GNL3: variants seen among roughly 807,000 people sequenced by gnomAD.
GNL3 encodes the protein G protein nucleolar 3.
Under a neutral mutation model 70.6 loss-of-function variants are expected in GNL3, and 77 were observed. That is an observed-to-expected ratio of 1.09 (90% CI 0.91 to 1.32). The LOEUF (loss-of-function observed/expected upper bound fraction) is 1.32, where lower values mean the gene tolerates loss of function less well. Among genes scored for constraint, GNL3 ranks in the 40% most tolerant of loss-of-function variants. The pLI, the probability that GNL3 is intolerant of heterozygous loss-of-function variation, is 0.00. For missense variants in GNL3, 634 were observed against 644.0 expected (o/e 0.98, Z 0.17); for synonymous variants, 252 against 216.1 (o/e 1.17, Z -1.46).
Position 52,686,061 on chromosome 3 carries a change from T to C in GNL3, c.-32T>C. ...CACACGTGGCGCCAGCGGAGGCAGG[T>C]TGATGTGTTTGTGCTTCCTTCTACA... is the stretch of plus-strand genomic sequence containing the variant. On this transcript the variant is annotated 5_prime_UTR_variant, in exon 1 of 15. Transcript: ENST00000418458. 1 of 982,538 alleles carries C rather than the reference T, an allele frequency of 1.0e-6. No individual in the cohort carries two copies. The highest frequency in any genetic ancestry group is 1.7e-6 in the Non-Finnish European group (1 of 602,476). The allele number at this position is 982,538 out of a possible 1,614,324, so 60.9% of individuals were successfully genotyped here.
intron 11 of GNL3, 31 bp from the exon 12 acceptor site, chr3:52,693,377 T>A (rs1301075204): frequency 8.1e-6 from 13 of 1,614,002 alleles, no homozygotes; most frequent in Middle Eastern, 1.7e-4. Flanking sequence ...AGAATAAACC[T>A]TCTTTTGACA....
intron 9 of GNL3, among the ~76,000 whole-genome samples, chr3:52,691,992 G>A (rs776160480): frequency 1.3e-5 from 2 of 151,960 alleles, no homozygotes; most frequent in Admixed American, 6.6e-5. Context: ...AAGCCACCGC[G>A]CCCGGCCTAT....
intron 8 of GNL3, 110 bp from the exon 9 acceptor site, chr3:52,691,432 C>A: frequency 1.4e-6 from 1 of 717,570 alleles, no homozygotes; most frequent in East Asian, 2.6e-5. Context: ...CACTGAGATC[C>A]AACTCTGATC....
intron 1 of GNL3, 62 bp downstream of exon 1, chr3:52,686,167 C>A: frequency 6.4e-7 from 1 of 1,568,954 alleles, no homozygotes; most frequent in Non-Finnish European, 8.8e-7. Flanking sequence ...GCAGCCACCA[C>A]GACGCTCTTC....
intron 8 of GNL3, chr3:52,691,318 T>G (rs1561256036): frequency 1.7e-6 from 1 of 603,596 alleles, no homozygotes; most frequent in African/African-American, 1.9e-5. Flanking sequence ...GAAGCTGGTT[T>G]CTAAAAGTTC....
At chr3:52,690,302 A>T (rs775050790) in intron 6 of GNL3, among the ~76,000 whole-genome samples, 11 of 152,032 alleles carry the variant, frequency 7.2e-5, no homozygotes, top group Non-Finnish European at 1.2e-4. Flanking sequence ...TTGCTGTGTC[A>T]CCCAGGCTGG....
At position 52,692,943 on chromosome 3, in the gene GNL3, T is replaced by A; in HGVS notation, c.941T>A (p.Leu314His). Reference protein sequence around the residue: ...IDSPSFIVSPLNSSSALALRS... With the variant: ...IDSPSFIVSPHNSSSALALRS... The stretch of plus-strand genomic sequence containing the variant: ...AGTCCGAGCTTCATCGTATCTCCAC[T>A]TAATTCCTCCTCTGCGCTTGCTCTG... The change falls in exon 10 of 15, where the codon CTT becomes CAT. Residue 314 changes from leucine (L) to histidine (H), a missense_variant. Transcript: ENST00000418458. 6.2e-7 allele frequency: 1 copy of A among 1,613,742 alleles called. No homozygotes were observed. Among genetic ancestry groups the A allele is most frequent in the East Asian group, 2.2e-5 (1 of 44,868 alleles).
rs754695298 is a variant in GNL3, at chr3:52,694,196, A to G, written c.1571A>G (p.Glu524Gly). 1.1e-5 allele frequency: 17 copies of G among 1,600,856 alleles called. No individual in the cohort carries two copies. In the South Asian group the frequency reaches 1.3e-4, roughly 12 times the overall value. The change falls in exon 15 of 15, where the codon GAA becomes GGA. Residue 524 changes from glutamate to glycine, a missense_variant. By Grantham distance (98) the Glu-to-Gly change is moderately conservative (BLOSUM62 -2). Coordinates refer to ENST00000418458, the MANE Select transcript of GNL3 (RefSeq NM_014366.5). ...TCTTTATTTTCCTGCAATATAGGTG[A>G]ACAGTCTACAAGGTCTTTTATCTTG... is the stretch of plus-strand genomic sequence containing the variant. ...EALSEETTAG[E>G]QSTRSFILDK...
chr3:52,687,217 A>G, intron 2 of GNL3, 29 bp from the exon 3 acceptor site: 1 of 1,574,838 alleles, frequency 6.3e-7, no homozygotes, highest in Non-Finnish European at 8.7e-7. Flanking sequence ...ATATTTTTGT[A>G]AGCAGACAAA....
chr3:52,693,563 T>A lies in GNL3; in HGVS notation c.1324+19T>A, dbSNP rs1426962027. ...ATAAGAGGTGAGAATTGTGTGTCGC[T>A]GCTGTCTTCATCAGCTGACAGGCCA... On this transcript the variant is annotated intron_variant, in intron 12 of 14. Coordinates refer to ENST00000418458, the MANE Select transcript of GNL3 (RefSeq NM_014366.5). 6.2e-7 allele frequency: 1 copy of A among 1,614,032 alleles called. No homozygotes were observed. The highest frequency in any genetic ancestry group is 1.3e-5 in the African/African-American group (1 of 74,934).
Position 52,686,111 on chromosome 3 carries a change from T to C in GNL3, c.13+6T>C, listed in dbSNP as rs761944082. The C allele has an allele frequency of 3.2e-5, 50 of 1,558,870 alleles. No homozygotes were observed. The highest frequency in any genetic ancestry group is 4.4e-5 in the Non-Finnish European group (50 of 1,129,666). ...AGCCAATATGAAAAGGCCTAGTAAG[T>C]GGGGTCGGGAGGCGGGCGTGGAGGG... On this transcript the variant is annotated splice_donor_region_variant and intron_variant, in intron 1 of 14. Transcript: ENST00000418458.
intron 8 of GNL3, chr3:52,691,331 G>T: frequency 1.7e-6 from 1 of 604,510 alleles, no homozygotes. Flanking sequence ...AAAAGTTCTT[G>T]GTTTGTTTGA....
Position 52,690,866 on chromosome 3 carries a change from C to A in GNL3, c.655-79C>A, listed in dbSNP as rs992972327. On this transcript the variant is annotated intron_variant, in intron 7 of 14. Transcript: ENST00000418458. ...CAATGTAGTTATCTTAAGAGCTGGG[C>A]TCTGGAGCCTGATTGCTTGGGGTTT... The A allele has an allele frequency of 1.1e-5, 16 of 1,422,464 alleles. 1 individual carries two copies. Among genetic ancestry groups the A allele is most frequent in the South Asian group, 2.3e-5 (2 of 86,284 alleles). 88.1% of individuals were successfully genotyped at this position (1,422,464 alleles called of 1,614,324 possible). A position where few individuals can be genotyped will look rare whatever the true frequency, so the allele number is the denominator to read the frequency against.
intron 4 of GNL3, 34 bp from the exon 5 acceptor site, chr3:52,688,075 C>A (rs199675710): frequency 7.2e-5 from 91 of 1,256,918 alleles, no homozygotes; most frequent in Non-Finnish European, 1.0e-4. Context: ...TGCTCTACTT[C>A]TAATTTTGTG....
At chr3:52,691,426 G>A (rs2097327148) in intron 8 of GNL3, 116 bp from the exon 9 acceptor site, 13 of 705,010 alleles carry the variant, frequency 1.8e-5, no homozygotes, top group Non-Finnish European at 2.5e-5. Context: ...TGAAGACACT[G>A]AGATCCAACT....
chr3:52,692,013 T>TAA (rs1226723811), intron 9 of GNL3, among the ~76,000 whole-genome samples: 4 of 152,132 alleles, frequency 2.6e-5, no homozygotes, highest in Admixed American at 2.6e-4. Flanking sequence ...TTTTATTTTT[T>TAA]AAAGCTTTTG....
intron 6 of GNL3, 114 bp downstream of exon 6, chr3:52,689,320 T>G (rs761138962): frequency 3.0e-6 from 3 of 1,014,820 alleles, no homozygotes; most frequent in African/African-American, 3.1e-5. Context: ...AAAGCCAGAG[T>G]ACGTGCACTT....
chr3:52,692,369 A>ACTTTTTTTTTTTT lies in GNL3; in HGVS notation c.870-503_870-502insCTTTTTTTTTTTT, dbSNP rs71087009. Among the ~76,000 whole-genome samples the ACTTTTTTTTTTTT allele has an allele frequency of 1.9e-3, 245 of 126,382 alleles. 28 individuals carry two copies. The highest frequency in any genetic ancestry group is 9.3e-3 in the Middle Eastern group (2 of 214). 82.9% of individuals were successfully genotyped at this position (126,382 alleles called of 152,430 possible). On this transcript the variant is annotated intron_variant, in intron 9 of 14. Transcript: ENST00000418458. The stretch of plus-strand genomic sequence containing the variant: ...GCCACTGTGCCTGGCCAACTTTTAG[A>ACTTTTTTTTTTTT]TTTTTTTTTTTTGGGAGATGGAGTC...
At chr3:52,688,848 A>T (rs2097324622) in intron 5 of GNL3, 2 of 556,328 alleles carry the variant, frequency 3.6e-6, no homozygotes, top group South Asian at 2.1e-5. Context: ...ATCCATCTTG[A>T]TCAGAGACTG....
Sources: gnomAD v4.1 joint callset for allele counts (sites outside exome capture counted in the v4.1 genomes callset) on GRCh38, gnomAD v4.1.1 for gene constraint, MANE v1.5 for transcripts, NCBI Gene and HGNC (gene_info 2026-07-23, HGNC 2026-07-21) for gene names.